The following NSD3 variants were observed in gnomAD, a reference collection of about 807,000 sequenced individuals.
NSD3 encodes the protein nuclear receptor binding SET domain protein 3.
Under a neutral mutation model 160.8 loss-of-function variants are expected in NSD3, and 24 were observed. That is an observed-to-expected ratio of 0.15 (90% CI 0.11 to 0.21). The LOEUF (loss-of-function observed/expected upper bound fraction) is 0.21, where lower values mean the gene tolerates loss of function less well. NSD3 is among the 10% of genes least tolerant of loss of function. NSD3 has a pLI of 1.00. For missense variants in NSD3, 1,157 were observed against 1,735.9 expected, an observed-to-expected ratio of 0.67 and a Z score of 5.93; for synonymous variants, 520 against 600.0, an observed-to-expected ratio of 0.87 and a Z score of 1.95.
chr8:38,304,619 ACAG>A lies in NSD3; in HGVS notation c.2576_2578del (p.Ala859del). ...ACAAACGAAACAAAAGCCTACATTT[ACAG>A]CAGAAGAATTACTGCTCCGTTTGGA... On this transcript the variant is annotated inframe_deletion, in exon 14 of 24. Transcript: ENST00000317025. 6.2e-7 allele frequency: 1 copy of A among 1,613,262 alleles called. No individual in the cohort carries two copies. Among genetic ancestry groups the A allele is most frequent in the Non-Finnish European group, 8.5e-7 (1 of 1,179,760 alleles).
chr8:38,362,240 G>C (rs2978074), intron 1 of NSD3, among the ~76,000 whole-genome samples: 1 of 120,486 alleles, frequency 8.3e-6, no homozygotes, highest in Non-Finnish European at 1.6e-5. Flanking sequence ...AAACAGAATA[G>C]AGTATTACAG....
intron 1 of NSD3, among the ~76,000 whole-genome samples, chr8:38,367,940 T>C (rs1811145891): frequency 1.3e-5 from 2 of 152,168 alleles, no homozygotes; most frequent in South Asian, 2.1e-4. Context: ...TTCTCTTAAC[T>C]TTTTTTAAAC....
At chr8:38,290,299 A>T (rs138619975) in intron 17 of NSD3, among the ~76,000 whole-genome samples, 176 bp downstream of exon 17, 2 of 152,304 alleles carry the variant, frequency 1.3e-5, no homozygotes, top group African/African-American at 4.8e-5. Context: ...AGCACAGTCT[A>T]CAATATTGAA....
At chr8:38,291,808 ATT>A (rs1809002418) in intron 16 of NSD3, among the ~76,000 whole-genome samples, 1 of 152,170 alleles carries the variant, frequency 6.6e-6, no homozygotes, top group African/African-American at 2.4e-5. Flanking sequence ...AGGTCCTCAT[ATT>A]TTCCCCCAAG....
intron 16 of NSD3, among the ~76,000 whole-genome samples, chr8:38,292,884 A>G (rs1182256128): frequency 6.6e-6 from 1 of 152,142 alleles, no homozygotes; most frequent in Non-Finnish European, 1.5e-5. Context: ...AGGCAGGAGA[A>G]TCACTTGAAC....
intron 1 of NSD3, among the ~76,000 whole-genome samples, chr8:38,370,186 G>A (rs982500826): frequency 6.6e-6 from 1 of 152,094 alleles, no homozygotes; most frequent in African/African-American, 2.4e-5. Flanking sequence ...TTAGAACAAA[G>A]CAAACCTCTC....
intron 1 of NSD3, among the ~76,000 whole-genome samples, chr8:38,378,515 G>A (rs1481922109): frequency 6.6e-6 from 1 of 152,138 alleles, no homozygotes; most frequent in African/African-American, 2.4e-5. Context: ...GGTGGCGGGC[G>A]CCTGTAGTCC....
chr8:38,290,108 C>T (rs939087170), intron 17 of NSD3, among the ~76,000 whole-genome samples: 2 of 151,662 alleles, frequency 1.3e-5, no homozygotes, highest in Non-Finnish European at 2.9e-5. Context: ...CCCAGCTACT[C>T]GGGAGGCTGA....
At position 38,279,524 on chromosome 8, in the gene NSD3, C is replaced by G. The variant is rs749249311; in HGVS notation, c.3760+16G>C. On this transcript the variant is annotated intron_variant, in intron 21 of 23. Transcript: ENST00000317025. ...TTCCTAGGGAGGAAAGCATGGGGAA[C>G]GAGTCACTTTTTTACCTGCAGGAAT... is the stretch of plus-strand genomic sequence containing the variant. 6.2e-7 allele frequency: 1 copy of G among 1,611,564 alleles called. No individual in the cohort carries two copies. Among genetic ancestry groups the G allele is most frequent in the Non-Finnish European group, 8.5e-7 (1 of 1,178,082 alleles).
intron 1 of NSD3, among the ~76,000 whole-genome samples, chr8:38,375,210 C>T (rs759847797): frequency 2.6e-5 from 4 of 152,118 alleles, no homozygotes; most frequent in Non-Finnish European, 4.4e-5. Context: ...TTTCATTTTC[C>T]TAGTCACTTG....
intron 21 of NSD3, 58 bp downstream of exon 21, chr8:38,279,482 C>G: frequency 6.3e-7 from 1 of 1,596,020 alleles, no homozygotes; most frequent in Non-Finnish European, 8.6e-7. Flanking sequence ...TGTCCTAGCT[C>G]TATAGGATAT....
intron 1 of NSD3, among the ~76,000 whole-genome samples, chr8:38,354,415 GAT>G (rs761349053): frequency 1.3e-5 from 2 of 152,170 alleles, no homozygotes; most frequent in Non-Finnish European, 2.9e-5. Flanking sequence ...AGATTAAACA[GAT>G]ATTGTGGAGA....
In NSD3 at chr8:38,348,028, T is replaced by C. The variant is rs1275984384; in HGVS notation, c.144A>G (p.Pro48=). ...AGCCTTGCTGCAAAGTAGCTTCATA[T>C]GGTGTCTGGCCACCATCTTCAGCAA... ...SDIAEDGGQT[P]YEATLQQGFQ... The change falls in exon 2 of 24, where the codon CCA becomes CCG. Residue 48 remains proline (P), a synonymous_variant. Coordinates refer to ENST00000317025, the MANE Select transcript of NSD3 (RefSeq NM_023034.2). 1.2e-6 allele frequency: 2 copies of C among 1,614,222 alleles called. No homozygotes were observed. Among genetic ancestry groups the C allele is most frequent in the Non-Finnish European group, 8.5e-7 (1 of 1,180,026 alleles).
intron 18 of NSD3, 148 bp downstream of exon 18, chr8:38,289,245 G>A (rs1808938638): frequency 2.8e-6 from 2 of 705,650 alleles, no homozygotes; most frequent in Admixed American, 3.1e-5. Flanking sequence ...GTGATAATTA[G>A]CAAAAGTTTG....
intron 1 of NSD3, among the ~76,000 whole-genome samples, chr8:38,352,062 C>T (rs1455830120): frequency 6.6e-6 from 1 of 151,232 alleles, no homozygotes; most frequent in Non-Finnish European, 1.5e-5. Context: ...TCCAGTTCGA[C>T]TCTGTTAATA....
intron 21 of NSD3, 132 bp downstream of exon 21, chr8:38,279,408 G>A (rs1013711399): frequency 1.3e-5 from 14 of 1,111,092 alleles, no homozygotes; most frequent in South Asian, 5.7e-5. Context: ...ATTTGAATAC[G>A]TTTTCTAAAT....
chr8:38,335,570 T>A (rs943216490), intron 4 of NSD3, among the ~76,000 whole-genome samples: 4 of 152,078 alleles, frequency 2.6e-5, no homozygotes, highest in Non-Finnish European at 1.5e-5. Context: ...TCTTGGAAAA[T>A]CCTTGTCTTT....
intron 20 of NSD3, chr8:38,280,268 A>AAT (rs1214974305): frequency 6.6e-6 from 1 of 152,228 alleles, no homozygotes; most frequent in African/African-American, 2.4e-5. Context: ...TTTGAACTCT[A>AAT]ATAATCTGGA....
Position 38,338,602 on chromosome 8 carries a change from T to C in NSD3, c.681A>G (p.Pro227=), listed in dbSNP as rs1167187192. 3 of 1,613,726 alleles carry C rather than the reference T, an allele frequency of 1.9e-6. No individual in the cohort carries two copies. Among genetic ancestry groups the C allele is most frequent in the Non-Finnish European group, 2.5e-6 (3 of 1,179,720 alleles). Residue 227 remains proline (P), a synonymous_variant, in exon 3 of 24, where the codon CCA becomes CCG. Coordinates refer to ENST00000317025, the MANE Select transcript of NSD3 (RefSeq NM_023034.2). ...PKLEPEEQNR[P]NERVDTVSEK... ...CTGATACAGTGTCAACCCTCTCATTTGGTCTCTAGGTGAAAAGGTATAGGT... is the reference window on the plus strand; with the variant it reads ...CTGATACAGTGTCAACCCTCTCATTCGGTCTCTAGGTGAAAAGGTATAGGT...
Sources: allele counts gnomAD v4.1 joint callset (sites outside exome capture counted in the v4.1 genomes callset), GRCh38; gene constraint gnomAD v4.1.1; transcripts MANE v1.5; gene names NCBI Gene and HGNC (gene_info 2026-07-23, HGNC 2026-07-21).